The following FREM2 variants were observed in gnomAD, a reference collection of about 807,000 sequenced individuals.
FREM2 encodes the protein FRAS1 related extracellular matrix 2, also known as FRAS1-related extracellular matrix protein 2.
In FREM2, 119 loss-of-function variants were observed where a neutral mutation model predicts 219.9. That is an observed-to-expected ratio of 0.54 (90% CI 0.47 to 0.63). The LOEUF is 0.63. Among genes scored for constraint, FREM2 ranks in the 30% least tolerant of loss-of-function variants. FREM2 has a pLI of 0.00. For missense variants in FREM2, 4,030 were observed against 3,993.6 expected, an observed-to-expected ratio of 1.01 and a Z score of -0.25; for synonymous variants, 1,562 against 1,522.8, an observed-to-expected ratio of 1.03 and a Z score of -0.60.
At chr13:38,770,088 A>G (rs539660433) in intron 4 of FREM2, among the ~76,000 whole-genome samples, 31 of 147,946 alleles carry the variant, frequency 2.1e-4, no homozygotes, top group Middle Eastern at 7.1e-3. Context: ...AAACATAATT[A>G]TATTTTCCAG....
chr13:38,697,082 G>A (rs143476383), intron 1 of FREM2, among the ~76,000 whole-genome samples: 346 of 152,248 alleles, frequency 2.3e-3, no homozygotes, highest in African/African-American at 8.0e-3. Context: ...TTATACGCAT[G>A]AGCCACCGTG....
At position 38,690,489 on chromosome 13, in the gene FREM2, A is replaced by G. The variant is rs1186265017; in HGVS notation, c.3145A>G (p.Thr1049Ala). The change falls in exon 1 of 24, where the codon ACT (threonine) becomes GCT (alanine). Residue 1049 changes from threonine to alanine, a missense_variant. Transcript: ENST00000280481. The part of the protein sequence containing the change: ...MSQEWRIGGN[T>A]IQGVTIWVTI... ...TCAAGAATGGAGAATTGGTGGCAATACTATCCAAGGAGTTACTATATGGGT... is the reference window on the plus strand; with the variant it reads ...TCAAGAATGGAGAATTGGTGGCAATGCTATCCAAGGAGTTACTATATGGGT... The G allele has an allele frequency of 6.2e-7, 1 of 1,614,116 alleles. No homozygotes were observed. The highest frequency in any genetic ancestry group is 8.5e-7 in the Non-Finnish European group (1 of 1,180,044).
chr13:38,732,528 T>C (rs1239738807), intron 2 of FREM2, among the ~76,000 whole-genome samples: 1 of 152,218 alleles, frequency 6.6e-6, no homozygotes, highest in African/African-American at 2.4e-5. Flanking sequence ...TAGCTCCATA[T>C]GTGATTCAAA....
At chr13:38,776,711 G>C (rs776270123) in intron 4 of FREM2, among the ~76,000 whole-genome samples, 11 of 152,024 alleles carry the variant, frequency 7.2e-5, no homozygotes, top group Non-Finnish European at 1.2e-4. Context: ...GGTGGAAAAT[G>C]AGAGGGAGTG....
intron 2 of FREM2, among the ~76,000 whole-genome samples, chr13:38,731,129 C>T (rs1173741823): frequency 1.3e-5 from 2 of 152,136 alleles, no homozygotes; most frequent in East Asian, 1.9e-4. Context: ...TGAACATGCT[C>T]CCATAGCCGT....
chr13:38,850,061 C>A lies in FREM2; in HGVS notation c.6403C>A (p.Arg2135=), dbSNP rs759639276. 1 of 1,613,784 alleles carries A rather than the reference C, an allele frequency of 6.2e-7. No individual in the cohort carries two copies. Among genetic ancestry groups the A allele is most frequent in the South Asian group, 1.1e-5 (1 of 91,074 alleles). The change falls in exon 9 of 24, where the codon CGA becomes AGA. Residue 2135 remains arginine (R), a synonymous_variant. Transcript: ENST00000280481. The stretch of plus-strand genomic sequence containing the variant: ...AGTGCCTAAGATGCAATTCAAAGAA[C>A]GAATATATACTGGCAGCGAAAGTGA... The part of the protein sequence containing the change: ...SDLPKMQFKE[R]IYTGSESDGQ...
intron 2 of FREM2, among the ~76,000 whole-genome samples, chr13:38,713,880 G>T (rs1017663220): frequency 3.3e-5 from 5 of 152,204 alleles, no homozygotes; most frequent in South Asian, 4.1e-4. Context: ...TACCCACTTG[G>T]GGGAAAGGGG....
chr13:38,745,904 G>C (rs1872461739), intron 2 of FREM2, among the ~76,000 whole-genome samples: 1 of 152,130 alleles, frequency 6.6e-6, no homozygotes, highest in Non-Finnish European at 1.5e-5. Flanking sequence ...GCTCCTCACA[G>C]CCAGGCCTCT....
intron 2 of FREM2, among the ~76,000 whole-genome samples, chr13:38,731,610 A>G (rs945676733): frequency 1.3e-5 from 2 of 152,228 alleles, no homozygotes; most frequent in Non-Finnish European, 2.9e-5. Flanking sequence ...TCTACGGATT[A>G]TGGATTTTCA....
At chr13:38,862,751 A>G (rs966656832) in intron 15 of FREM2, among the ~76,000 whole-genome samples, 2 of 152,194 alleles carry the variant, frequency 1.3e-5, no homozygotes, top group Admixed American at 6.5e-5. Flanking sequence ...GCCTGTTTTC[A>G]TATGGTCTGC....
Position 38,793,875 on chromosome 13 carries a change from T to G in FREM2, c.6019+9067T>G, listed in dbSNP as rs71439783. 9.3e-3 allele frequency among the ~76,000 whole-genome samples: 1,418 copies of G among 152,278 alleles called. 11 individuals are homozygous for G. Among genetic ancestry groups the G allele is most frequent in the Non-Finnish European group, 0.016 (1,094 of 68,010 alleles). ...TGAAGGATGATGCTTTGGTTTCTAG[T>G]TAGAGCTGTTGGGTTAAGAGTGGTA... is the stretch of plus-strand genomic sequence containing the variant. On this transcript the variant is annotated intron_variant, in intron 6 of 23. Coordinates refer to ENST00000280481, the MANE Select transcript of FREM2 (RefSeq NM_207361.6).
intron 4 of FREM2, among the ~76,000 whole-genome samples, chr13:38,782,439 AG>A (rs1874153160): frequency 6.6e-6 from 1 of 152,206 alleles, no homozygotes; most frequent in Non-Finnish European, 1.5e-5. Flanking sequence ...CAGGAGTGAA[AG>A]GGAGCCACGG....
At chr13:38,851,586 A>G (rs975182243) in intron 10 of FREM2, 100 bp from the exon 11 acceptor site, 2 of 921,150 alleles carry the variant, frequency 2.2e-6, no homozygotes, top group Non-Finnish European at 3.5e-6. Flanking sequence ...GGAGTGTAAT[A>G]GTCATTTATC....
intron 6 of FREM2, among the ~76,000 whole-genome samples, chr13:38,833,866 T>G (rs1241308907): frequency 2.0e-5 from 3 of 152,088 alleles, no homozygotes; most frequent in Admixed American, 6.6e-5. Context: ...AGGACCACAC[T>G]CCTTTGGCTT....
chr13:38,706,630 A>G (rs1293677181), intron 2 of FREM2, among the ~76,000 whole-genome samples: 1 of 152,150 alleles, frequency 6.6e-6, no homozygotes, highest in Non-Finnish European at 1.5e-5. Flanking sequence ...ATGCTTCTTG[A>G]TTTTATTTTA....
In FREM2 at chr13:38,688,301, G is replaced by A; in HGVS notation, c.957G>A (p.Lys319=). Residue 319 remains lysine, a synonymous_variant, in exon 1 of 24, where the codon AAG becomes AAA. Coordinates refer to ENST00000280481, the MANE Select transcript of FREM2 (RefSeq NM_207361.6). ...IRGGAENTAP[K]PSFVAMMMME... is the part of the protein sequence containing the mutation. ...GAGGGGCCGAGAACACTGCACCCAAGCCCAGTTTCGTGGCCATGATGATGA... is the reference window on the plus strand; with the variant it reads ...GAGGGGCCGAGAACACTGCACCCAAACCCAGTTTCGTGGCCATGATGATGA... 5 of 1,614,164 alleles carry A rather than the reference G, an allele frequency of 3.1e-6. No individual in the cohort carries two copies. The highest frequency in any genetic ancestry group is 4.2e-6 in the Non-Finnish European group (5 of 1,180,042).
At chr13:38,847,046 A>G (rs1302724745) in intron 7 of FREM2, among the ~76,000 whole-genome samples, 2 of 152,082 alleles carry the variant, frequency 1.3e-5, no homozygotes, top group Non-Finnish European at 2.9e-5. Flanking sequence ...TAAGCAGGAA[A>G]ATCATCTTAC....
chr13:38,846,555 C>T lies in FREM2; in HGVS notation c.6020-18C>T, dbSNP rs1877160371. 1.9e-6 allele frequency: 3 copies of T among 1,612,014 alleles called. No homozygotes were observed. Among genetic ancestry groups the T allele is most frequent in the African/African-American group, 1.3e-5 (1 of 74,978 alleles). ...AAAATAAAAATAACAGAAATGATTT[C>T]TGTTCCTTTCTTAACAGAACCCATC... On this transcript the variant is annotated intron_variant, in intron 6 of 23. Coordinates refer to ENST00000280481, the MANE Select transcript of FREM2 (RefSeq NM_207361.6).
At chr13:38,846,350 A>C (rs570511092) in intron 6 of FREM2, among the ~76,000 whole-genome samples, 2 of 152,166 alleles carry the variant, frequency 1.3e-5, no homozygotes, top group South Asian at 4.1e-4. Flanking sequence ...CAAGATGAGA[A>C]TGTTTTATTA....
Sources: gnomAD v4.1 joint callset for allele counts (sites outside exome capture counted in the v4.1 genomes callset) on GRCh38, gnomAD v4.1.1 for gene constraint, MANE v1.5 for transcripts, NCBI Gene and HGNC (gene_info 2026-07-23, HGNC 2026-07-21) for gene names.